The following FHIT variants were observed in gnomAD, a reference collection of about 807,000 sequenced individuals.
FHIT encodes the protein fragile histidine triad diadenosine triphosphatase.
In FHIT, 19 loss-of-function variants were observed where a neutral mutation model predicts 17.9. The ratio of observed to expected loss-of-function variants is 1.06; its 90% CI spans 0.74 to 1.56. FHIT has a LOEUF of 1.56. FHIT is among the 40% of genes most tolerant of loss of function. The pLI is 0.00. For missense variants in FHIT, 248 were observed against 189.2 expected, an observed-to-expected ratio of 1.31 and a Z score of -1.82; for synonymous variants, 81 against 69.7, an observed-to-expected ratio of 1.16 and a Z score of -0.81.
chr3:60,430,657 A>AT (rs931897818), intron 5 of FHIT, among the ~76,000 whole-genome samples: 2 of 151,938 alleles, frequency 1.3e-5, no homozygotes. Context: ...CTCATCTGGT[A>AT]TTTTTTTATG....
At chr3:60,293,574 A>G (rs1161428716) in intron 5 of FHIT, among the ~76,000 whole-genome samples, 2 of 152,144 alleles carry the variant, frequency 1.3e-5, no homozygotes, top group Admixed American at 1.3e-4. Flanking sequence ...GCTTTCTTCC[A>G]CAGTATTATA....
At chr3:60,061,944 C>A (rs898572717) in intron 5 of FHIT, among the ~76,000 whole-genome samples, 3 of 151,850 alleles carry the variant, frequency 2.0e-5, no homozygotes, top group Non-Finnish European at 4.4e-5. Flanking sequence ...TGGAAAAGAG[C>A]AAGAAATGAG....
rs1488688664 is a variant in FHIT, at chr3:60,668,421, G to T, written c.-17-131442C>A. Among the ~76,000 whole-genome samples, 5 of 142,540 alleles carry T rather than the reference G, an allele frequency of 3.5e-5. 1 individual carries two copies. The highest frequency in any genetic ancestry group is 2.9e-4 in the Admixed American group (4 of 13,774). The allele number at this position is 142,540 out of a possible 152,430, so 93.5% of individuals were successfully genotyped here. ...AATCAGCCTCCCTGAGCTGCTTCTT[G>T]TTGCCAGGCTTGGACTTAGGAAACA... On this transcript the variant is annotated intron_variant, in intron 4 of 9. Transcript: ENST00000492590.
intron 5 of FHIT, among the ~76,000 whole-genome samples, chr3:60,467,912 C>T (rs2032886903): frequency 6.6e-6 from 1 of 152,118 alleles, no homozygotes; most frequent in South Asian, 2.1e-4. Context: ...GGTGAAGTCT[C>T]CAGCTATTAT....
At chr3:60,284,937 G>T (rs948480600) in intron 5 of FHIT, among the ~76,000 whole-genome samples, 3 of 151,998 alleles carry the variant, frequency 2.0e-5, no homozygotes, top group Non-Finnish European at 4.4e-5. Flanking sequence ...TTTGATTATT[G>T]TACCACCACT....
chr3:59,944,971 A>G (rs1706727422), intron 7 of FHIT, among the ~76,000 whole-genome samples: 1 of 152,108 alleles, frequency 6.6e-6, no homozygotes, highest in South Asian at 2.1e-4. Context: ...TATTATGAAA[A>G]CTACTGCAAT....
chr3:60,948,578 G>T (rs1480940218), intron 3 of FHIT, among the ~76,000 whole-genome samples: 2 of 152,148 alleles, frequency 1.3e-5, no homozygotes, highest in African/African-American at 4.8e-5. Context: ...GGGACAAGAA[G>T]ACTCAAAACA....
At chr3:60,274,825 T>C (rs1707043455) in intron 5 of FHIT, among the ~76,000 whole-genome samples, 1 of 152,180 alleles carries the variant, frequency 6.6e-6, no homozygotes, top group African/African-American at 2.4e-5. Flanking sequence ...AGCCTATGTA[T>C]TGAAGACTTT....
chr3:59,805,201 T>TA (rs536640996), intron 8 of FHIT, among the ~76,000 whole-genome samples: 3 of 152,172 alleles, frequency 2.0e-5, no homozygotes, highest in Admixed American at 6.5e-5. Context: ...AAGACAGAGA[T>TA]AAAGGTCAGT....
At chr3:59,979,495 A>T (rs903781845) in intron 7 of FHIT, among the ~76,000 whole-genome samples, 1 of 152,156 alleles carries the variant, frequency 6.6e-6, no homozygotes, top group Non-Finnish European at 1.5e-5. Context: ...TTTGCAAAAC[A>T]CCAGCTATGA....
intron 5 of FHIT, among the ~76,000 whole-genome samples, chr3:60,417,255 A>G (rs1389487481): frequency 6.6e-6 from 1 of 152,206 alleles, no homozygotes; most frequent in Admixed American, 6.5e-5. Context: ...AGAGATACTC[A>G]AGAAACTTCA....
chr3:59,825,687 C>T (rs1030754194), intron 8 of FHIT, among the ~76,000 whole-genome samples: 1 of 152,090 alleles, frequency 6.6e-6, no homozygotes, highest in Non-Finnish European at 1.5e-5. Context: ...ATTACTGAAG[C>T]CCATTCTATA....
At chr3:60,439,101 A>G (rs1458228455) in intron 5 of FHIT, among the ~76,000 whole-genome samples, 1 of 152,130 alleles carries the variant, frequency 6.6e-6, no homozygotes, top group Non-Finnish European at 1.5e-5. Flanking sequence ...GATGATTACA[A>G]AAGCCCAGAA....
At chr3:60,981,454 G>T (rs1027713808) in intron 3 of FHIT, among the ~76,000 whole-genome samples, 1 of 150,902 alleles carries the variant, frequency 6.6e-6, no homozygotes, top group Non-Finnish European at 1.5e-5. Context: ...ACAGGTGCAC[G>T]CCACCACTAC....
At chr3:59,997,487 G>A (rs899784629) in intron 7 of FHIT, among the ~76,000 whole-genome samples, 7 of 152,162 alleles carry the variant, frequency 4.6e-5, no homozygotes, top group South Asian at 2.1e-4. Context: ...AATGTTAGTC[G>A]TTGCTGGAGG....
intron 4 of FHIT, among the ~76,000 whole-genome samples, chr3:60,812,730 T>G (rs1281245630): frequency 6.6e-6 from 1 of 152,152 alleles, no homozygotes; most frequent in Non-Finnish European, 1.5e-5. Flanking sequence ...CTGTAGTTCC[T>G]CATATGCATA....
Position 60,354,706 on chromosome 3 carries a change from T to C in FHIT, c.103+182154A>G, listed in dbSNP as rs1316318988. On this transcript the variant is annotated intron_variant, in intron 5 of 9. Coordinates refer to ENST00000492590, the MANE Select transcript of FHIT (RefSeq NM_002012.4). Reference sequence around the variant, plus strand: ...TCTTATTTTTAAATGTCACCAAATATGGCTTCTCTCAAAGTACGCCGGTCC... The same window carrying C: ...TCTTATTTTTAAATGTCACCAAATACGGCTTCTCTCAAAGTACGCCGGTCC... 2.0e-5 allele frequency among the ~76,000 whole-genome samples: 3 copies of C among 152,202 alleles called. No individual in the cohort carries two copies. The East Asian group carries it at 5.8e-4, about 29-fold the overall frequency.
At chr3:59,920,039 A>G (rs1374752088) in intron 8 of FHIT, among the ~76,000 whole-genome samples, 1 of 152,240 alleles carries the variant, frequency 6.6e-6, no homozygotes, top group Non-Finnish European at 1.5e-5. Flanking sequence ...TCACCCTTGG[A>G]AAGAATGGTA....
At chr3:60,097,889 G>A (rs1013586956) in intron 5 of FHIT, among the ~76,000 whole-genome samples, 28 of 108,800 alleles carry the variant, frequency 2.6e-4, no homozygotes, top group East Asian at 1.3e-3. Context: ...AACAGGCCCC[G>A]GTGTGTGATG....
Sources: allele counts gnomAD v4.1 joint callset (sites outside exome capture counted in the v4.1 genomes callset), GRCh38; gene constraint gnomAD v4.1.1; transcripts MANE v1.5; gene names NCBI Gene and HGNC (gene_info 2026-07-23, HGNC 2026-07-21).